The following SEM1 variants were observed in gnomAD, a reference collection of about 807,000 sequenced individuals.
SEM1 encodes 26S proteasome complex subunit SEM1.
A neutral mutation model predicts 12.7 loss-of-function variants in SEM1; 3 were observed. The ratio of observed to expected loss-of-function variants is 0.24; its 90% CI spans 0.11 to 0.61. SEM1 has a LOEUF of 0.61. SEM1 is among the 20% of genes least tolerant of loss of function. The probability of loss-of-function intolerance (pLI) is 0.88; values close to 1 mark genes in which losing one functional copy is unlikely to be tolerated. For synonymous variants in SEM1, 30 were observed against 27.8 expected (o/e 1.08, Z -0.25); for missense variants, 59 against 81.3 (o/e 0.73, Z 1.06).
At chr7:96,595,945 G>A (rs1011641469) in intron 2 of SEM1, among the ~76,000 whole-genome samples, 4 of 152,106 alleles carry the variant, frequency 2.6e-5, no homozygotes, top group South Asian at 2.1e-4. Context: ...ACACCTCTTC[G>A]ATCAAAGAAT....
At chr7:96,550,825 G>C (rs1382544102) in intron 2 of SEM1, among the ~76,000 whole-genome samples, 1 of 152,114 alleles carries the variant, frequency 6.6e-6, no homozygotes, top group Non-Finnish European at 1.5e-5. Context: ...AAAATATTAA[G>C]AATGATTGGC....
chr7:96,590,672 A>T (rs1035427271), intron 2 of SEM1, among the ~76,000 whole-genome samples: 2 of 152,226 alleles, frequency 1.3e-5, no homozygotes, highest in African/African-American at 4.8e-5. Flanking sequence ...GCCTGAGAAA[A>T]CTAGCAACAT....
intron 2 of SEM1, among the ~76,000 whole-genome samples, chr7:96,534,346 G>A (rs892902684): frequency 1.3e-5 from 2 of 152,052 alleles, no homozygotes; most frequent in African/African-American, 2.4e-5. Flanking sequence ...TGGTGTGATA[G>A]TAATGAATGT....
downstream of SEM1, among the ~76,000 whole-genome samples, chr7:96,687,548 C>G (rs1387367081): frequency 6.6e-6 from 1 of 151,860 alleles, no homozygotes; most frequent in Non-Finnish European, 1.5e-5. Context: ...AAACCAAACA[C>G]CGCATGTTCT....
At chr7:96,680,887 T>C (rs1007222202) in intron 2 of SEM1, among the ~76,000 whole-genome samples, 18 of 152,120 alleles carry the variant, frequency 1.2e-4, no homozygotes, top group Non-Finnish European at 1.6e-4. Flanking sequence ...GAGTTGGCTA[T>C]TGCAATGCAA....
intron 2 of SEM1, among the ~76,000 whole-genome samples, chr7:96,577,417 G>A (rs187591748): frequency 1.1e-4 from 16 of 151,836 alleles, no homozygotes; most frequent in African/African-American, 3.9e-4. Flanking sequence ...AAAATGTTAC[G>A]ATTAATTATA....
chr7:96,528,120 G>A (rs1804527239), intron 2 of SEM1, among the ~76,000 whole-genome samples: 1 of 152,096 alleles, frequency 6.6e-6, no homozygotes, highest in South Asian at 2.1e-4. Context: ...TAGAAGTTTT[G>A]TGCAGTCAGA....
chr7:96,516,747 T>G lies in SEM1; in HGVS notation c.171-10049A>C, dbSNP rs563618949. On this transcript the variant is annotated intron_variant and NMD_transcript_variant, in intron 2 of 3. Coordinates refer to the SEM1 transcript ENST00000466986. ...ACACTCTGGTATTTATCTAAAGGAG[T>G]TGAAAACTTATAGAACATGCACATA... 7.9e-5 allele frequency among the ~76,000 whole-genome samples: 12 copies of G among 152,226 alleles called. 1 individual carries two copies. The South Asian group carries it at 2.5e-3, about 32-fold the overall frequency.
chr7:96,676,862 G>A (rs1189555644), intron 2 of SEM1, among the ~76,000 whole-genome samples: 1 of 152,134 alleles, frequency 6.6e-6, no homozygotes, highest in Non-Finnish European at 1.5e-5. Flanking sequence ...TAACAGTTAT[G>A]CTTCTTTTCC....
chr7:96,512,395 C>T (rs11973695), intron 2 of SEM1, among the ~76,000 whole-genome samples: 6,850 of 152,106 alleles, frequency 0.045, 534 homozygotes, highest in African/African-American at 0.15. Flanking sequence ...CAAGTACACA[C>T]GAACTACTAA....
chr7:96,688,467 C>A (rs1221228679), downstream of SEM1: 1 of 151,972 alleles, frequency 6.6e-6, no homozygotes, highest in African/African-American at 2.4e-5. Context: ...TAAATGTCAG[C>A]AAATGTTGCC....
chr7:96,564,736 G>T (rs1805795121), intron 2 of SEM1, among the ~76,000 whole-genome samples: 2 of 151,924 alleles, frequency 1.3e-5, no homozygotes, highest in Non-Finnish European at 2.9e-5. Flanking sequence ...TAACATGAGA[G>T]AAAAATCTTA....
intron 2 of SEM1, among the ~76,000 whole-genome samples, chr7:96,692,001 CA>C (rs1032333639): frequency 1.4e-4 from 22 of 151,872 alleles, no homozygotes; most frequent in Non-Finnish European, 3.1e-4. Context: ...ATACCTCAGG[CA>C]AAAAACAACA....
At chr7:96,501,607 G>T (rs1252743691) in intron 3 of SEM1, among the ~76,000 whole-genome samples, 3 of 152,136 alleles carry the variant, frequency 2.0e-5, no homozygotes, top group African/African-American at 7.2e-5. Context: ...TGAGCACACT[G>T]AACTATGTTA....
intron 2 of SEM1, among the ~76,000 whole-genome samples, chr7:96,652,154 G>A (rs1809013431): frequency 6.6e-6 from 1 of 152,128 alleles, no homozygotes; most frequent in African/African-American, 2.4e-5. Context: ...GAATCATGAA[G>A]AATTTAATAA....
At chr7:96,496,176 G>A (rs113673513) in intron 1 of SEM1, 18 of 665,872 alleles carry the variant, frequency 2.7e-5, no homozygotes, top group African/African-American at 9.2e-5. Context: ...ATTTTAACTC[G>A]TTAGATAGTT....
intron 2 of SEM1, among the ~76,000 whole-genome samples, chr7:96,631,304 G>A (rs1399664532): frequency 6.6e-6 from 1 of 152,204 alleles, no homozygotes; most frequent in African/African-American, 2.4e-5. Context: ...ACTGCTGGGG[G>A]TCAGTGATTC....
At chr7:96,492,798 C>G (rs1318574613) in intron 1 of SEM1, among the ~76,000 whole-genome samples, 4 of 149,460 alleles carry the variant, frequency 2.7e-5, no homozygotes, top group Admixed American at 1.3e-4. Flanking sequence ...TGTTTGTGTA[C>G]ACCCCATTTT....
At chr7:96,689,272 C>T (rs900492667) in intron 2 of SEM1, among the ~76,000 whole-genome samples, 2 of 152,036 alleles carry the variant, frequency 1.3e-5, no homozygotes, top group African/African-American at 2.4e-5. Flanking sequence ...TTTCCAAATG[C>T]TATATGAATG....
Sources: gnomAD v4.1 joint callset for allele counts (sites outside exome capture counted in the v4.1 genomes callset) on GRCh38, gnomAD v4.1.1 for gene constraint, MANE v1.5 for transcripts, NCBI Gene and HGNC (gene_info 2026-07-23, HGNC 2026-07-21) for gene names.